The following DRC8 variants were observed in gnomAD, a reference collection of about 807,000 sequenced individuals.
DRC8 encodes dynein regulatory complex subunit 8.
At chr1:245,023,111 A>G in the DRC8 span, 1 of 152,220 alleles carries the variant, frequency 6.6e-6, no homozygotes, top group Non-Finnish European at 1.5e-5. Context: ...GAAGCATTCC[A>G]TTTTTAAAAT....
At chr1:244,973,656 C>A in the DRC8 span, among the ~76,000 whole-genome samples, 1 of 152,166 alleles carries the variant, frequency 6.6e-6, no homozygotes, top group African/African-American at 2.4e-5. Flanking sequence ...CCACGGTATT[C>A]ACTAGCATGT....
At chr1:244,984,778 T>C in the DRC8 span, among the ~76,000 whole-genome samples, 3 of 149,446 alleles carry the variant, frequency 2.0e-5, no homozygotes, top group Non-Finnish European at 4.4e-5. Context: ...GAGGTTGCGG[T>C]GAGCCGAGAT....
chr1:245,067,140 T>C, the DRC8 span, among the ~76,000 whole-genome samples: 1 of 152,168 alleles, frequency 6.6e-6, no homozygotes, highest in Non-Finnish European at 1.5e-5. Context: ...TATTTACTTA[T>C]TTTTCAGACA....
chr1:244,989,189 G>A, the DRC8 span, among the ~76,000 whole-genome samples: 13 of 152,040 alleles, frequency 8.6e-5, no homozygotes, highest in African/African-American at 2.7e-4. Flanking sequence ...TTGGCCTCCC[G>A]AAGTGTTGGG....
the DRC8 span, among the ~76,000 whole-genome samples, chr1:245,034,860 G>GT: frequency 0.034 from 4,685 of 136,250 alleles, 257 homozygotes; most frequent in African/African-American, 0.11. Context: ...ATAAATGAAA[G>GT]TTTTTTTTTT....
At chr1:245,045,239 G>C in the DRC8 span, among the ~76,000 whole-genome samples, 17 of 151,914 alleles carry the variant, frequency 1.1e-4, no homozygotes, top group Admixed American at 1.0e-3. Flanking sequence ...TGAACTCCTG[G>C]ACACAGGTGG....
the DRC8 span, among the ~76,000 whole-genome samples, chr1:244,977,282 A>G: frequency 6.6e-6 from 1 of 152,236 alleles, no homozygotes; most frequent in Admixed American, 6.5e-5. Flanking sequence ...TAAGTTTTAC[A>G]TTATGTGTAT....
the DRC8 span, among the ~76,000 whole-genome samples, chr1:244,998,400 G>A: frequency 2.9e-3 from 436 of 152,204 alleles, 1 homozygote; most frequent in Non-Finnish European, 4.8e-3. Flanking sequence ...TTTTAGTAGA[G>A]ATGAGGTCTT....
chr1:245,002,158 C>T, the DRC8 span: 1 of 1,609,534 alleles, frequency 6.2e-7, no homozygotes. Context: ...AGGCCTCGGA[C>T]TTTACTGATC....
the DRC8 span, among the ~76,000 whole-genome samples, chr1:245,005,258 A>T: frequency 6.6e-5 from 10 of 150,500 alleles, no homozygotes; most frequent in African/African-American, 2.2e-4. Flanking sequence ...TTTTTTTTTT[A>T]AATCATGTTA....
the DRC8 span, among the ~76,000 whole-genome samples, chr1:245,104,406 A>T: frequency 6.6e-6 from 1 of 151,806 alleles, no homozygotes; most frequent in African/African-American, 2.4e-5. Context: ...CGGGCAGCTG[A>T]GGCAGGAGAA....
chr1:244,976,854 C>T, the DRC8 span, among the ~76,000 whole-genome samples: 1 of 152,212 alleles, frequency 6.6e-6, no homozygotes, highest in Non-Finnish European at 1.5e-5. Context: ...GTTCATAGCA[C>T]ATTGTTCACA....
chr1:245,064,979 T>C, the DRC8 span, among the ~76,000 whole-genome samples: 1 of 152,100 alleles, frequency 6.6e-6, no homozygotes, highest in South Asian at 2.1e-4. Context: ...TCCAGGAAGT[T>C]TTCTTGCAAT....
the DRC8 span, among the ~76,000 whole-genome samples, chr1:245,060,157 G>A: frequency 1.3e-5 from 2 of 152,232 alleles, no homozygotes; most frequent in Admixed American, 1.3e-4. Context: ...ACAGGAGACA[G>A]GTGAGGAGGT....
chr1:245,124,357 C>G, the DRC8 span: 1 of 152,278 alleles, frequency 6.6e-6, no homozygotes. Context: ...GCAACGTTCT[C>G]AAGCTTCACA....
chr1:245,019,651 G>A, the DRC8 span, among the ~76,000 whole-genome samples: 7 of 151,954 alleles, frequency 4.6e-5, no homozygotes, highest in African/African-American at 7.3e-5. Flanking sequence ...GGTATTACAG[G>A]TGTGAGCCAC....
chr1:245,072,596 T>C, the DRC8 span, among the ~76,000 whole-genome samples: 1 of 152,298 alleles, frequency 6.6e-6, no homozygotes, highest in African/African-American at 2.4e-5. Flanking sequence ...TGAAGACTTG[T>C]TGTTATGCAT....
the DRC8 span, chr1:245,123,676 A>C: frequency 2.9e-3 from 443 of 152,666 alleles, 6 homozygotes; most frequent in Non-Finnish European, 3.1e-3. The surrounding 1 kb of genome is among the most constrained non-coding windows in gnomAD (Gnocchi z 5.0). Context: ...AAACCAGATC[A>C]GAACCTGGGC....
At chr1:245,056,812 C>T in the DRC8 span, among the ~76,000 whole-genome samples, 11 of 151,810 alleles carry the variant, frequency 7.2e-5, no homozygotes, top group Admixed American at 3.3e-4. Context: ...CGGCCCATGC[C>T]TGTAGTCCCA....
Sources: allele counts gnomAD v4.1 joint callset (sites outside exome capture counted in the v4.1 genomes callset), GRCh38; gene constraint gnomAD v4.1.1; non-coding constraint Gnocchi (gnomAD v3.1); transcripts MANE v1.5; gene names NCBI Gene and HGNC (gene_info 2026-07-23, HGNC 2026-07-21).